Variants in RTL4 observed in about 807,000 individuals in gnomAD.
RTL4 encodes retrotransposon Gag like 4.
RTL4 carries 4 observed loss-of-function variants against 5.3 expected under a neutral mutation model. The ratio of observed to expected loss-of-function variants is 0.75; its 90% CI spans 0.37 to 1.72. The LOEUF is 1.72. Ranked by LOEUF, RTL4 falls within the 40% of genes most tolerant of loss-of-function variation. The pLI is 0.04. For missense variants in RTL4, 260 were observed against 227.1 expected (o/e 1.14, Z -0.93); for synonymous variants, 98 against 87.3 (o/e 1.12, Z -0.68).
At chrX:112,088,358 G>C in the RTL4 span, among the ~76,000 whole-genome samples, 1 of 111,202 alleles carries the variant, frequency 9.0e-6, no homozygotes, top group African/African-American at 3.3e-5. Flanking sequence ...TGTTTTGAAG[G>C]TCCATCTGTG....
At chrX:112,454,186 C>T (rs1366760215), upstream of RTL4, among the ~76,000 whole-genome samples, 1 of 111,495 alleles carries the variant, frequency 9.0e-6, no homozygotes, top group Non-Finnish European at 1.9e-5. Context: ...TTGTCTTGGG[C>T]CACACATAAA....
the RTL4 span, among the ~76,000 whole-genome samples, chrX:112,320,582 G>A: frequency 9.0e-6 from 1 of 110,880 alleles, no homozygotes; most frequent in Non-Finnish European, 1.9e-5. Flanking sequence ...TAGACCAGAT[G>A]TTATTAATGA....
the RTL4 span, among the ~76,000 whole-genome samples, chrX:112,218,821 C>T: frequency 8.9e-6 from 1 of 112,133 alleles, no homozygotes; most frequent in Non-Finnish European, 1.9e-5. Context: ...GACCTGAGTG[C>T]CTGGAAATTG....
At chrX:112,136,792 C>T in the RTL4 span, among the ~76,000 whole-genome samples, 940 of 111,630 alleles carry the variant, frequency 8.4e-3, 4 homozygotes, top group Non-Finnish European at 0.012. Flanking sequence ...AAATATATTG[C>T]AAAGCTGTAG....
At chrX:112,101,860 T>C in the RTL4 span, among the ~76,000 whole-genome samples, 1 of 110,225 alleles carries the variant, frequency 9.1e-6, no homozygotes, top group Non-Finnish European at 1.9e-5. Flanking sequence ...AAGAAGCCCA[T>C]GTGAAAATGG....
At chrX:112,327,972 C>A in the RTL4 span, among the ~76,000 whole-genome samples, 19,563 of 104,675 alleles carry the variant, frequency 0.19, 1,731 homozygotes, top group Admixed American at 0.28. Flanking sequence ...ATTTTGTCAC[C>A]ACCAGGCCTG....
the RTL4 span, among the ~76,000 whole-genome samples, chrX:112,353,910 T>C: frequency 9.0e-6 from 1 of 111,461 alleles, no homozygotes; most frequent in Non-Finnish European, 1.9e-5. Flanking sequence ...AGACAAATGA[T>C]TTTTTTAAAA....
the RTL4 span, among the ~76,000 whole-genome samples, chrX:112,320,570 A>G: frequency 9.0e-6 from 1 of 111,038 alleles, no homozygotes; most frequent in Non-Finnish European, 1.9e-5. Flanking sequence ...GTGGAGAGAT[A>G]ATAGACCAGA....
the RTL4 span, among the ~76,000 whole-genome samples, chrX:112,392,047 A>G: frequency 8.9e-6 from 1 of 111,738 alleles, no homozygotes; most frequent in Non-Finnish European, 1.9e-5. Context: ...GGGAGATGGA[A>G]TGGCCTCCTC....
chrX:112,368,528 T>G, the RTL4 span, among the ~76,000 whole-genome samples: 1 of 111,221 alleles, frequency 9.0e-6, no homozygotes, highest in Non-Finnish European at 1.9e-5. Context: ...CCAGGGTTCT[T>G]GGGCAATGTC....
chrX:112,195,953 T>C, the RTL4 span, among the ~76,000 whole-genome samples: 2 of 111,830 alleles, frequency 1.8e-5, no homozygotes, highest in African/African-American at 6.5e-5. Context: ...TAGATTTACA[T>C]ATGATTACCA....
chrX:112,252,665 C>T, the RTL4 span, among the ~76,000 whole-genome samples: 2 of 111,607 alleles, frequency 1.8e-5, no homozygotes, highest in Admixed American at 1.9e-4. Context: ...TCCTATCATT[C>T]TTGGCCCCAT....
chrX:112,438,557 T>C, the RTL4 span, among the ~76,000 whole-genome samples: 2 of 112,591 alleles, frequency 1.8e-5, no homozygotes, highest in South Asian at 3.7e-4. Context: ...AAGTTCCAAC[T>C]CAAGTCCTAC....
the RTL4 span, among the ~76,000 whole-genome samples, chrX:112,325,734 T>C: frequency 8.9e-6 from 1 of 112,237 alleles, no homozygotes; most frequent in South Asian, 3.7e-4. Context: ...TCAGGGCATA[T>C]GCATGGGCAA....
At chrX:112,350,392 G>A in the RTL4 span, among the ~76,000 whole-genome samples, 1 of 108,891 alleles carries the variant, frequency 9.2e-6, no homozygotes, top group Non-Finnish European at 1.9e-5. Context: ...ATGAGTTAGG[G>A]AGGATTCCCT....
the RTL4 span, among the ~76,000 whole-genome samples, chrX:112,426,518 C>G: frequency 9.0e-6 from 1 of 111,401 alleles, no homozygotes; most frequent in African/African-American, 3.2e-5. Context: ...TCTGGAATAG[C>G]TCTTTATTTA....
At chrX:112,218,131 T>G in the RTL4 span, among the ~76,000 whole-genome samples, 1 of 111,970 alleles carries the variant, frequency 8.9e-6, no homozygotes, top group African/African-American at 3.2e-5. Flanking sequence ...ATCAATGGGT[T>G]AATTTTGCCT....
chrX:112,443,460 G>C, the RTL4 span, among the ~76,000 whole-genome samples: 1 of 111,567 alleles, frequency 9.0e-6, no homozygotes, highest in African/African-American at 3.3e-5. Flanking sequence ...CCAGCAGTGA[G>C]ATTGCTGAAT....
the RTL4 span, among the ~76,000 whole-genome samples, chrX:112,222,426 A>G: frequency 9.0e-6 from 1 of 111,694 alleles, no homozygotes; most frequent in Non-Finnish European, 1.9e-5. Flanking sequence ...GCAATAGTAA[A>G]GATATTCCTA....
Sources: gnomAD v4.1 joint callset for allele counts (sites outside exome capture counted in the v4.1 genomes callset) on GRCh38, gnomAD v4.1.1 for gene constraint, MANE v1.5 for transcripts, NCBI Gene and HGNC (gene_info 2026-07-23, HGNC 2026-07-21) for gene names.